THSD4: variants seen among roughly 807,000 people sequenced by gnomAD.
THSD4 encodes thrombospondin type 1 domain containing 4.
THSD4 carries 69 observed loss-of-function variants against 119.0 expected under a neutral mutation model. The ratio of observed to expected loss-of-function variants is 0.58; its 90% CI spans 0.48 to 0.71. The LOEUF is 0.71. Ranked by LOEUF, THSD4 falls within the 30% of genes least tolerant of loss-of-function variation. The pLI, the probability that THSD4 is intolerant of heterozygous loss-of-function variation, is 0.00. For synonymous variants in THSD4, 524 were observed against 540.4 expected (o/e 0.97, Z 0.42); for missense variants, 1,393 against 1,391.1 (o/e 1.00, Z -0.02).
intron 7 of THSD4, among the ~76,000 whole-genome samples, chr15:71,467,984 G>T (rs571464832): frequency 6.6e-6 from 1 of 152,046 alleles, no homozygotes; most frequent in Non-Finnish European, 1.5e-5. Flanking sequence ...AAGTAACTGG[G>T]ATTACAGGCG....
At chr15:71,184,797 A>G (rs2091576104) in intron 3 of THSD4, among the ~76,000 whole-genome samples, 1 of 151,792 alleles carries the variant, frequency 6.6e-6, no homozygotes, top group African/African-American at 2.4e-5. Context: ...GTCATATACA[A>G]CTGTCTATCA....
At chr15:71,473,549 T>A (rs1416514367) in intron 7 of THSD4, among the ~76,000 whole-genome samples, 1 of 152,190 alleles carries the variant, frequency 6.6e-6, no homozygotes, top group Non-Finnish European at 1.5e-5. Context: ...GGTAACAGCC[T>A]GAACACTAAT....
chr15:71,250,297 A>G (rs1185486299), intron 5 of THSD4, among the ~76,000 whole-genome samples: 3 of 152,314 alleles, frequency 2.0e-5, no homozygotes, highest in Middle Eastern at 3.4e-3. Flanking sequence ...AATAGCCACT[A>G]AGAAATGTGT....
At chr15:71,474,520 C>T (rs1466806529) in intron 7 of THSD4, among the ~76,000 whole-genome samples, 2 of 152,140 alleles carry the variant, frequency 1.3e-5, no homozygotes, top group Non-Finnish European at 2.9e-5. Flanking sequence ...CGCGCCTGGC[C>T]TTCTACTTTA....
At chr15:71,103,322 C>T (rs936356967) in intron 1 of THSD4, among the ~76,000 whole-genome samples, 1 of 152,114 alleles carries the variant, frequency 6.6e-6, no homozygotes, top group African/African-American at 2.4e-5. Context: ...CTGGGGTCTA[C>T]CTTGCAGTTT....
intron 6 of THSD4, among the ~76,000 whole-genome samples, chr15:71,358,527 G>T (rs771074118): frequency 6.6e-6 from 1 of 152,168 alleles, no homozygotes. Flanking sequence ...CAGCTCTGGG[G>T]CCAGATTTCA....
At chr15:71,599,644 G>C (rs1408102077) in intron 7 of THSD4, among the ~76,000 whole-genome samples, 1 of 152,138 alleles carries the variant, frequency 6.6e-6, no homozygotes, top group Admixed American at 6.6e-5. Context: ...GTGCTCCCCT[G>C]GCAAGGCCCT....
intron 7 of THSD4, among the ~76,000 whole-genome samples, chr15:71,570,487 A>G (rs935103542): frequency 6.6e-6 from 1 of 151,686 alleles, no homozygotes; most frequent in African/African-American, 2.4e-5. Context: ...GCTCACTGCA[A>G]CCTCTGCCTC....
At chr15:71,626,748 A>G (rs1165300620) in intron 7 of THSD4, among the ~76,000 whole-genome samples, 1 of 152,188 alleles carries the variant, frequency 6.6e-6, no homozygotes, top group Non-Finnish European at 1.5e-5. Context: ...TTCATTATCT[A>G]GTGTTTTACT....
Position 71,381,351 on chromosome 15 carries a change from C to T in THSD4, c.1016-30336C>T, listed in dbSNP as rs866649637. On this transcript the variant is annotated intron_variant, in intron 6 of 17. Coordinates refer to ENST00000261862, the MANE Select transcript of THSD4 (RefSeq NM_024817.3). ...AATCTTATGAAGTTCATTCAAATTG[C>T]ATATCTTAACAATTTTAGTATTGGC... Among the ~76,000 whole-genome samples, 14 of 152,272 alleles carry T rather than the reference C, an allele frequency of 9.2e-5. 1 individual carries two copies. Among genetic ancestry groups the T allele is most frequent in the Admixed American group, 1.3e-4 (2 of 15,292 alleles).
intron 3 of THSD4, among the ~76,000 whole-genome samples, chr15:71,190,180 C>T (rs1245622383): frequency 6.6e-6 from 1 of 152,194 alleles, no homozygotes; most frequent in Non-Finnish European, 1.5e-5. Context: ...CTGCCCATAC[C>T]AATCAAATGG....
rs549195427 is a variant in THSD4, at chr15:71,702,985, C to CT, written c.1358-25550dup. ...TTTTGAAAGGTTTCTGACCCCTGCT[C>CT]TTTTTTTTTTTTTTAAATGGAGTCT... On this transcript the variant is annotated intron_variant, in intron 8 of 17. Transcript: ENST00000261862. Among the ~76,000 whole-genome samples the CT allele has an allele frequency of 3.1e-3, 442 of 144,766 alleles. 1 individual carries two copies. Among genetic ancestry groups the CT allele is most frequent in the Non-Finnish European group, 3.8e-3 (246 of 65,500 alleles). 95.0% of individuals were successfully genotyped at this position (144,766 alleles called of 152,430 possible). A position where few individuals can be genotyped will look rare whatever the true frequency, so the allele number is the denominator to read the frequency against.
chr15:71,577,621 A>G (rs1424441564), intron 7 of THSD4, among the ~76,000 whole-genome samples: 1 of 152,158 alleles, frequency 6.6e-6, no homozygotes, highest in African/African-American at 2.4e-5. Context: ...TGGCGTTACT[A>G]AAACTTTCAC....
intron 7 of THSD4, among the ~76,000 whole-genome samples, chr15:71,432,237 C>G (rs2046952476): frequency 6.6e-6 from 1 of 152,158 alleles, no homozygotes; most frequent in African/African-American, 2.4e-5. Context: ...TCTGGACCTT[C>G]CAAAGGCCCT....
At chr15:71,372,142 G>A (rs889080107) in intron 6 of THSD4, among the ~76,000 whole-genome samples, 2 of 152,128 alleles carry the variant, frequency 1.3e-5, no homozygotes, top group Non-Finnish European at 2.9e-5. Flanking sequence ...GGTCATTTAA[G>A]GACTTCTCTG....
intron 7 of THSD4, among the ~76,000 whole-genome samples, chr15:71,570,670 G>A (rs529547536): frequency 1.3e-5 from 2 of 152,264 alleles, no homozygotes; most frequent in Non-Finnish European, 2.9e-5. Context: ...TGGGAATATG[G>A]ACATTTGGCT....
chr15:71,300,002 T>TATATATATATATATATATATATATATATA (rs2044926604), intron 6 of THSD4, among the ~76,000 whole-genome samples: 1 of 141,264 alleles, frequency 7.1e-6, no homozygotes, highest in African/African-American at 2.7e-5. Flanking sequence ...TATATATATA[T>TATATATATATATATATATATATATATATA]TAGCCATGGG....
At chr15:71,342,090 G>C (rs1179932380) in intron 6 of THSD4, among the ~76,000 whole-genome samples, 1 of 151,974 alleles carries the variant, frequency 6.6e-6, no homozygotes, top group African/African-American at 2.4e-5. Flanking sequence ...TGGACATGCA[G>C]ATGCAGAAAC....
chr15:71,288,113 A>T (rs1206306258), intron 6 of THSD4, among the ~76,000 whole-genome samples: 2 of 152,248 alleles, frequency 1.3e-5, no homozygotes, highest in African/African-American at 4.8e-5. Context: ...ATCAAAAAAA[A>T]TGAATTATAC....
Sources: allele counts gnomAD v4.1 joint callset (sites outside exome capture counted in the v4.1 genomes callset), GRCh38; gene constraint gnomAD v4.1.1; transcripts MANE v1.5; gene names NCBI Gene and HGNC (gene_info 2026-07-23, HGNC 2026-07-21).